The following NRXN1 variants were observed in gnomAD, a reference collection of about 807,000 sequenced individuals.
NRXN1 encodes neurexin-1.
In NRXN1, 39 loss-of-function variants were observed where a neutral mutation model predicts 150.9. The ratio of observed to expected loss-of-function variants is 0.26; its 90% CI spans 0.20 to 0.34. NRXN1 has a LOEUF of 0.34. Among genes scored for constraint, NRXN1 ranks in the 10% least tolerant of loss-of-function variants. NRXN1 has a pLI of 1.00. For missense variants in NRXN1, 1,815 were observed against 1,949.9 expected, an observed-to-expected ratio of 0.93 and a Z score of 1.30; for synonymous variants, 924 against 757.0, an observed-to-expected ratio of 1.22 and a Z score of -3.62.
chr2:50,119,946 C>T (rs1414027801), intron 18 of NRXN1, among the ~76,000 whole-genome samples: 2 of 152,004 alleles, frequency 1.3e-5, no homozygotes, highest in East Asian at 1.9e-4. Flanking sequence ...AAATGTTAAG[C>T]CATGTTTTTG....
At chr2:49,926,475 T>C in intron 22 of NRXN1, 1 of 397,418 alleles carries the variant, frequency 2.5e-6, no homozygotes, top group Non-Finnish European at 4.4e-6. Flanking sequence ...ACACGAGCTA[T>C]CAAATGTTTG....
intron 15 of NRXN1, among the ~76,000 whole-genome samples, chr2:50,472,795 T>TGTGTGTG (rs147494484): frequency 5.8e-5 from 8 of 138,562 alleles, no homozygotes; most frequent in African/African-American, 2.3e-4. Flanking sequence ...CCCTACAGCC[T>TGTGTGTG]TGTGTGTGTG....
chr2:50,865,739 T>C (rs1418828217), intron 5 of NRXN1, among the ~76,000 whole-genome samples: 1 of 137,888 alleles, frequency 7.3e-6, no homozygotes, highest in Non-Finnish European at 1.5e-5. Flanking sequence ...AAACATTTGA[T>C]AGTTTTTTTT....
intron 5 of NRXN1, among the ~76,000 whole-genome samples, chr2:50,859,408 T>C (rs1250866173): frequency 6.6e-6 from 1 of 152,036 alleles, no homozygotes. Flanking sequence ...TGCATGATTT[T>C]ATTCAGCTCA....
intron 2 of NRXN1, among the ~76,000 whole-genome samples, chr2:50,973,105 G>C (rs4971714): frequency 0.036 from 5,434 of 152,194 alleles, 276 homozygotes; most frequent in East Asian, 0.25. Flanking sequence ...CTCCTATTCA[G>C]AGATCCTTTG....
chr2:50,990,615 C>A (rs1275181379), intron 2 of NRXN1, among the ~76,000 whole-genome samples: 5 of 151,962 alleles, frequency 3.3e-5, no homozygotes. Flanking sequence ...ACTTTAGTTT[C>A]TCTTCTCTCT....
intron 17 of NRXN1, among the ~76,000 whole-genome samples, chr2:50,363,364 G>A (rs1356764483): frequency 2.0e-5 from 3 of 152,050 alleles, no homozygotes; most frequent in Non-Finnish European, 2.9e-5. Context: ...CTAATCTCTA[G>A]AATCCACAAG....
At chr2:49,995,022 A>T (rs1573291691) in intron 21 of NRXN1, among the ~76,000 whole-genome samples, 1 of 152,346 alleles carries the variant, frequency 6.6e-6, no homozygotes, top group East Asian at 1.9e-4. Flanking sequence ...ACACTCCTTG[A>T]TAACAAGAAA....
chr2:50,330,774 T>C (rs2076789044), intron 17 of NRXN1, among the ~76,000 whole-genome samples: 1 of 152,208 alleles, frequency 6.6e-6, no homozygotes, highest in African/African-American at 2.4e-5. Flanking sequence ...CTATTTAAAC[T>C]TCTTCACAAC....
rs187608652 is a variant in NRXN1, at chr2:50,967,499, C to A, written c.773-41544G>T. ...TTTAAAACTTTAGTATTAACTAAGT[C>A]TTTTAAGGAAGTATGGGCACTGATT... On this transcript the variant is annotated intron_variant, in intron 2 of 22. Transcript: ENST00000401669. 2.8e-4 allele frequency among the ~76,000 whole-genome samples: 43 copies of A among 152,044 alleles called. 1 individual carries two copies. Among genetic ancestry groups the A allele is most frequent in the African/African-American group, 1.0e-3 (42 of 41,512 alleles).
intron 5 of NRXN1, among the ~76,000 whole-genome samples, chr2:50,803,337 C>A (rs1175812906): frequency 6.6e-6 from 1 of 152,132 alleles, no homozygotes; most frequent in Non-Finnish European, 1.5e-5. Context: ...TCTACTATTA[C>A]AGAGAAGACT....
chr2:50,953,211 A>G lies in NRXN1; in HGVS notation c.773-27256T>C, dbSNP rs112983038. ...TTGAACAAAGTTGAAATTCTGATTT[A>G]GCCATTTATTATTGTAACCTTAGGC... On this transcript the variant is annotated intron_variant, in intron 2 of 22. Transcript: ENST00000401669. Among the ~76,000 whole-genome samples the G allele has an allele frequency of 1.9e-3, 297 of 152,326 alleles. 4 individuals carry two copies. The highest frequency in any genetic ancestry group is 7.0e-3 in the African/African-American group (289 of 41,572).
At chr2:50,174,605 C>G (rs1158194102) in intron 18 of NRXN1, 1 of 152,062 alleles carries the variant, frequency 6.6e-6, no homozygotes, top group Non-Finnish European at 1.5e-5. Context: ...GAATAAGGGT[C>G]TGTCTGGTTT....
chr2:50,292,219 G>C (rs1265298714), intron 17 of NRXN1, among the ~76,000 whole-genome samples: 1 of 152,088 alleles, frequency 6.6e-6, no homozygotes, highest in Admixed American at 6.6e-5. Flanking sequence ...TGTGACATAT[G>C]ACAACTATAT....
chr2:50,829,395 G>T (rs572750914), intron 5 of NRXN1: 3 of 1,237,034 alleles, frequency 2.4e-6, no homozygotes, highest in Non-Finnish European at 3.5e-6. Context: ...CCCAAAGTGC[G>T]GGGATTACAG....
chr2:51,015,621 A>T (rs1434673422), intron 2 of NRXN1, among the ~76,000 whole-genome samples: 1 of 151,990 alleles, frequency 6.6e-6, no homozygotes, highest in African/African-American at 2.4e-5. Context: ...AAATCAATAT[A>T]TAGAGTCATA....
chr2:51,003,734 A>G (rs951272709), intron 2 of NRXN1, among the ~76,000 whole-genome samples: 1 of 151,946 alleles, frequency 6.6e-6, no homozygotes, highest in Non-Finnish European at 1.5e-5. Flanking sequence ...ACAAGGAAGG[A>G]CAAAGAAGGA....
intron 5 of NRXN1, among the ~76,000 whole-genome samples, chr2:50,712,469 C>T (rs1260815168): frequency 6.6e-6 from 1 of 152,184 alleles, no homozygotes; most frequent in East Asian, 1.9e-4. Flanking sequence ...TGGTCAACTT[C>T]TCAGCTAATC....
At chr2:50,859,613 T>C (rs1175742182) in intron 5 of NRXN1, among the ~76,000 whole-genome samples, 3 of 151,848 alleles carry the variant, frequency 2.0e-5, no homozygotes, top group African/African-American at 7.3e-5. Context: ...ATTTTTTTTT[T>C]TTTTGACAGA....
Sources: allele counts gnomAD v4.1 joint callset (sites outside exome capture counted in the v4.1 genomes callset), GRCh38; gene constraint gnomAD v4.1.1; transcripts MANE v1.5; gene names NCBI Gene and HGNC (gene_info 2026-07-23, HGNC 2026-07-21).